The following DSCAM variants were observed in gnomAD, a reference collection of about 807,000 sequenced individuals.
The protein encoded by DSCAM is cell adhesion molecule DSCAM.
In DSCAM, 47 loss-of-function variants were observed where a neutral mutation model predicts 217.7. That is an observed-to-expected ratio of 0.22 (90% CI 0.17 to 0.28). The LOEUF is 0.28. Ranked by LOEUF, DSCAM falls within the 10% of genes least tolerant of loss-of-function variation. The pLI, the probability that DSCAM is intolerant of heterozygous loss-of-function variation, is 1.00. For missense variants in DSCAM, 2,080 were observed against 2,618.3 expected (o/e 0.79, Z 4.49); for synonymous variants, 1,056 against 1,015.3 (o/e 1.04, Z -0.76).
At chr21:40,816,472 G>C (rs1601302369) in intron 1 of DSCAM, among the ~76,000 whole-genome samples, 1 of 152,098 alleles carries the variant, frequency 6.6e-6, no homozygotes. Context: ...CCACCTACTC[G>C]GGAGGCTGAG....
At chr21:40,184,882 T>C (rs1035367659) in intron 14 of DSCAM, among the ~76,000 whole-genome samples, 4 of 152,130 alleles carry the variant, frequency 2.6e-5, no homozygotes, top group African/African-American at 9.7e-5. Context: ...CTCCTAAGTA[T>C]TTTCCTGCAT....
intron 11 of DSCAM, among the ~76,000 whole-genome samples, chr21:40,235,375 A>G (rs1247512161): frequency 6.6e-6 from 1 of 152,212 alleles, no homozygotes; most frequent in African/African-American, 2.4e-5. Context: ...GGTTTTCAAA[A>G]TATGGAGGCA....
intron 31 of DSCAM, among the ~76,000 whole-genome samples, chr21:40,043,778 A>G (rs1197307671): frequency 1.3e-5 from 2 of 152,232 alleles, no homozygotes; most frequent in Non-Finnish European, 2.9e-5. Context: ...TGAAAATTTA[A>G]AAATGTCTCT....
chr21:40,491,179 A>T (rs1277464174), intron 3 of DSCAM, among the ~76,000 whole-genome samples: 3 of 152,196 alleles, frequency 2.0e-5, no homozygotes, highest in African/African-American at 7.2e-5. Context: ...ATTCTTTTTT[A>T]AAAATAAATG....
chr21:40,175,478 A>G (rs2090714384), intron 15 of DSCAM, among the ~76,000 whole-genome samples: 1 of 152,032 alleles, frequency 6.6e-6, no homozygotes, highest in Admixed American at 6.5e-5. Context: ...AAGATGCCAG[A>G]TTTGGTGTCT....
chr21:40,261,494 T>C (rs1016989949), intron 11 of DSCAM, among the ~76,000 whole-genome samples: 1 of 152,148 alleles, frequency 6.6e-6, no homozygotes, highest in African/African-American at 2.4e-5. Flanking sequence ...ACCTTGGTCT[T>C]TTCTTGTCTT....
intron 3 of DSCAM, among the ~76,000 whole-genome samples, chr21:40,413,929 C>T (rs1423335721): frequency 6.6e-6 from 1 of 152,078 alleles, no homozygotes; most frequent in Non-Finnish European, 1.5e-5. Flanking sequence ...ATCTGTATGG[C>T]CAAAATGGAC....
At chr21:40,755,914 T>C (rs1319259498) in intron 1 of DSCAM, among the ~76,000 whole-genome samples, 2 of 152,242 alleles carry the variant, frequency 1.3e-5, no homozygotes, top group Non-Finnish European at 2.9e-5. Flanking sequence ...GCCATGCAAC[T>C]GGCTTTAGTT....
At chr21:40,800,702 T>TA (rs1278707736) in intron 1 of DSCAM, among the ~76,000 whole-genome samples, 1 of 150,072 alleles carries the variant, frequency 6.7e-6, no homozygotes, top group African/African-American at 2.5e-5. Flanking sequence ...TCTTCTTTCT[T>TA]CTTTCTTACT....
intron 32 of DSCAM, among the ~76,000 whole-genome samples, chr21:40,033,581 G>C (rs150275240): frequency 2.6e-5 from 4 of 151,558 alleles, no homozygotes; most frequent in South Asian, 2.1e-4. Flanking sequence ...ACTGCAAGGC[G>C]GCAGTGAGGC....
At chr21:40,054,523 AG>A (rs1250985124) in intron 29 of DSCAM, among the ~76,000 whole-genome samples, 1 of 152,246 alleles carries the variant, frequency 6.6e-6, no homozygotes, top group African/African-American at 2.4e-5. Flanking sequence ...GGCAGGAGGC[AG>A]CTGGGCTATG....
At chr21:40,514,824 T>C (rs1053098635) in intron 3 of DSCAM, among the ~76,000 whole-genome samples, 1 of 152,182 alleles carries the variant, frequency 6.6e-6, no homozygotes, top group African/African-American at 2.4e-5. Flanking sequence ...CATATTCCTC[T>C]CCAATGAGCT....
intron 11 of DSCAM, among the ~76,000 whole-genome samples, chr21:40,259,661 CTTTTTTTTTTTTTTT>C (rs542106779): frequency 2.0e-4 from 12 of 59,518 alleles, no homozygotes; most frequent in African/African-American, 5.2e-4. Context: ...GTCAGCCATT[CTTTTTTTTTTTTTTT>C]TTTTTTTTTT....
intron 20 of DSCAM, among the ~76,000 whole-genome samples, chr21:40,113,590 G>C (rs1458901818): frequency 6.6e-6 from 1 of 152,020 alleles, no homozygotes; most frequent in African/African-American, 2.4e-5. Flanking sequence ...GGAAATAAAG[G>C]GTATTCAAGT....
chr21:40,698,906 G>A (rs2090624701), intron 2 of DSCAM, among the ~76,000 whole-genome samples: 1 of 148,442 alleles, frequency 6.7e-6, no homozygotes, highest in African/African-American at 2.5e-5. Flanking sequence ...AGTCGCTTCT[G>A]CTGTTCTTCG....
chr21:40,038,820 T>C (rs1453610049), intron 32 of DSCAM, among the ~76,000 whole-genome samples: 2 of 151,100 alleles, frequency 1.3e-5, no homozygotes, highest in Admixed American at 6.6e-5. Context: ...ATATACACCA[T>C]GGAACACTAT....
At chr21:40,121,765 C>A (rs142942078) in intron 20 of DSCAM, among the ~76,000 whole-genome samples, 2 of 138,660 alleles carry the variant, frequency 1.4e-5, no homozygotes, top group African/African-American at 2.7e-5. Flanking sequence ...TTTTGGCTCA[C>A]GGCAACCTCC....
intron 18 of DSCAM, among the ~76,000 whole-genome samples, chr21:40,134,862 A>G (rs1187757277): frequency 1.3e-5 from 2 of 152,106 alleles, no homozygotes; most frequent in Non-Finnish European, 2.9e-5. Context: ...GGCTCAGCCA[A>G]CCCCTCTTTT....
chr21:40,627,327 T>G (rs186929302), intron 3 of DSCAM, among the ~76,000 whole-genome samples: 286 of 152,298 alleles, frequency 1.9e-3, no homozygotes, highest in African/African-American at 6.4e-3. Context: ...GCATTAGAAC[T>G]TGTGGAATAG....
Sources: allele counts gnomAD v4.1 joint callset (sites outside exome capture counted in the v4.1 genomes callset), GRCh38; gene constraint gnomAD v4.1.1; transcripts MANE v1.5; gene names NCBI Gene and HGNC (gene_info 2026-07-23, HGNC 2026-07-21).